The following DSCAML1 variants were observed in gnomAD, a reference collection of about 807,000 sequenced individuals.
DSCAML1 encodes the protein DS cell adhesion molecule like 1.
DSCAML1 carries 38 observed loss-of-function variants against 200.5 expected under a neutral mutation model. That is an observed-to-expected ratio of 0.19 (90% CI 0.15 to 0.25). DSCAML1 has a LOEUF of 0.25. Ranked by LOEUF, DSCAML1 falls within the 10% of genes least tolerant of loss-of-function variation. The probability of loss-of-function intolerance (pLI) is 1.00; values close to 1 mark genes in which losing one functional copy is unlikely to be tolerated. For synonymous variants in DSCAML1, 1,215 were observed against 1,165.0 expected, an observed-to-expected ratio of 1.04 and a Z score of -0.87; for missense variants, 2,223 against 2,858.8, an observed-to-expected ratio of 0.78 and a Z score of 5.07.
intron 1 of DSCAML1, among the ~76,000 whole-genome samples, chr11:117,808,824 C>G (rs1053476481): frequency 6.6e-6 from 1 of 152,246 alleles, no homozygotes; most frequent in Non-Finnish European, 1.5e-5. Context: ...TCATCCCTCA[C>G]CCACTTTACA....
At chr11:117,607,281 G>A (rs1289149921) in intron 3 of DSCAML1, among the ~76,000 whole-genome samples, 2 of 152,196 alleles carry the variant, frequency 1.3e-5, no homozygotes, top group South Asian at 2.1e-4. Context: ...GACAGGAAGC[G>A]GGAGGAGAGA....
At chr11:117,433,301 G>A (rs759762226) in intron 28 of DSCAML1, 45 bp from the exon 29 acceptor site, 2 of 1,576,844 alleles carry the variant, frequency 1.3e-6, no homozygotes, top group Non-Finnish European at 1.7e-6. Flanking sequence ...AGCCATAAGG[G>A]GTTGGGGAAG....
At chr11:117,703,247 A>G (rs935817206) in intron 3 of DSCAML1, among the ~76,000 whole-genome samples, 2 of 152,126 alleles carry the variant, frequency 1.3e-5, no homozygotes, top group Admixed American at 6.5e-5. Context: ...CCCCAGGGCT[A>G]TTTCATCTTG....
chr11:117,555,957 A>C (rs1277861225), intron 3 of DSCAML1, among the ~76,000 whole-genome samples: 1 of 111,008 alleles, frequency 9.0e-6, no homozygotes, highest in Non-Finnish European at 1.8e-5. Flanking sequence ...GGGGCGGGGG[A>C]GGAGGGGGAA....
intron 3 of DSCAML1, among the ~76,000 whole-genome samples, chr11:117,771,755 TA>T (rs1268494376): frequency 6.6e-6 from 1 of 151,940 alleles, no homozygotes; most frequent in African/African-American, 2.4e-5. Context: ...AATGAGAAAA[TA>T]AAAACAAAAA....
rs558565454 is a variant in DSCAML1 at position 117,488,938 on chromosome 11, G to A, written c.2360-6776C>T. ...TCTTGACGAAGCTCCATGGCCTCCCGCATGCCCAGGTTCCCCTGACAAAGC... is the reference window on the plus strand; with the variant it reads ...TCTTGACGAAGCTCCATGGCCTCCCACATGCCCAGGTTCCCCTGACAAAGC... On this transcript the variant is annotated intron_variant, in intron 11 of 32. Transcript: ENST00000651296. 4.6e-5 allele frequency among the ~76,000 whole-genome samples: 7 copies of A among 152,364 alleles called. No homozygotes were observed. The South Asian group carries it at 1.4e-3, about 32-fold the overall frequency.
intron 2 of DSCAML1, among the ~76,000 whole-genome samples, chr11:117,777,919 C>G (rs1254385967): frequency 6.6e-6 from 1 of 152,212 alleles, no homozygotes; most frequent in East Asian, 1.9e-4. Context: ...CCAAGCAAAG[C>G]TGGAACATCC....
chr11:117,782,781 A>T (rs962833774), intron 1 of DSCAML1, among the ~76,000 whole-genome samples: 2 of 152,100 alleles, frequency 1.3e-5, no homozygotes, highest in Non-Finnish European at 2.9e-5. Flanking sequence ...GTTGTTAGGG[A>T]CTTTACTTAT....
At chr11:117,496,246 A>G (rs1182243033) in intron 11 of DSCAML1, among the ~76,000 whole-genome samples, 1 of 152,192 alleles carries the variant, frequency 6.6e-6, no homozygotes, top group Non-Finnish European at 1.5e-5. Flanking sequence ...CCTGGAGGGC[A>G]GGGAGGGTGC....
chr11:117,430,609 C>T, intron 32 of DSCAML1, 113 bp downstream of exon 32: 2 of 1,310,212 alleles, frequency 1.5e-6, no homozygotes, highest in East Asian at 4.9e-5. Flanking sequence ...TGCCAAGGAG[C>T]CAAGCTGGGC....
rs150763675 is a variant in DSCAML1 at position 117,544,409 on chromosome 11, G to T, written c.512-11887C>A. Among the ~76,000 whole-genome samples, 49 of 152,300 alleles carry T rather than the reference G, an allele frequency of 3.2e-4. 1 individual carries two copies. Among genetic ancestry groups the T allele is most frequent in the Non-Finnish European group, 2.5e-4 (17 of 68,028 alleles). On this transcript the variant is annotated intron_variant, in intron 3 of 32. Transcript: ENST00000651296. ...TCCTCCCAAGCTATTTGTGCTGTGG[G>T]GCAGGGCAGTTGAGGGTGATGGATA...
intron 27 of DSCAML1, 61 bp from the exon 28 acceptor site, chr11:117,433,532 T>C: frequency 6.4e-7 from 1 of 1,572,374 alleles, no homozygotes; most frequent in Non-Finnish European, 8.7e-7. Flanking sequence ...AGGATGACAA[T>C]GGGAGAGGCA....
chr11:117,558,309 C>T (rs1414676763), intron 3 of DSCAML1, among the ~76,000 whole-genome samples: 1 of 152,028 alleles, frequency 6.6e-6, no homozygotes. Flanking sequence ...GCCAGGGTCC[C>T]CCAAAACATG....
At chr11:117,492,128 C>T (rs1213145727) in intron 11 of DSCAML1, among the ~76,000 whole-genome samples, 4 of 151,932 alleles carry the variant, frequency 2.6e-5, no homozygotes, top group East Asian at 3.9e-4. Context: ...ATCCCTACCC[C>T]GAGGTAATTC....
intron 3 of DSCAML1, among the ~76,000 whole-genome samples, chr11:117,637,802 C>A (rs900472000): frequency 6.6e-6 from 1 of 152,218 alleles, no homozygotes; most frequent in African/African-American, 2.4e-5. Context: ...TGGCTTCCCC[C>A]CAAAAGCCAA....
chr11:117,524,814 T>A lies in DSCAML1; in HGVS notation c.928A>T (p.Met310Leu), dbSNP rs376290986. The change falls in exon 5 of 33, where the codon ATG (methionine) becomes TTG (leucine). Residue 310 changes from methionine to leucine, a missense_variant. Transcript: ENST00000651296. ...FGSAEATGIL[M>L]VIDPLHVTLT... ...GGCTTCCCCGACTCACCAATGACCA[T>A]GAGGATGCCTGTGGCCTCTGCCGAA... 149 of 1,582,978 alleles carry A rather than the reference T, an allele frequency of 9.4e-5. No individual in the cohort carries two copies. The highest frequency in any genetic ancestry group is 1.2e-4 in the Non-Finnish European group (143 of 1,163,322).
At chr11:117,661,530 C>T (rs1009547210) in intron 3 of DSCAML1, among the ~76,000 whole-genome samples, 1 of 152,128 alleles carries the variant, frequency 6.6e-6, no homozygotes, top group Non-Finnish European at 1.5e-5. Flanking sequence ...GGGAAGGATA[C>T]AATTATTATA....
intron 3 of DSCAML1, among the ~76,000 whole-genome samples, chr11:117,538,379 G>A (rs2050205031): frequency 6.6e-6 from 1 of 152,108 alleles, no homozygotes; most frequent in Non-Finnish European, 1.5e-5. Flanking sequence ...GCACGTGGGT[G>A]GCTGGCTCCA....
At chr11:117,453,767 TAG>T (rs1430659407) in intron 19 of DSCAML1, among the ~76,000 whole-genome samples, 27 of 146,776 alleles carry the variant, frequency 1.8e-4, no homozygotes, top group African/African-American at 6.4e-4. Context: ...TTTTTTGAGA[TAG>T]AGTCTCGCTC....
Sources: gnomAD v4.1 joint callset for allele counts (sites outside exome capture counted in the v4.1 genomes callset) on GRCh38, gnomAD v4.1.1 for gene constraint, MANE v1.5 for transcripts, NCBI Gene and HGNC (gene_info 2026-07-23, HGNC 2026-07-21) for gene names.